AFF3: variants seen among roughly 807,000 people sequenced by gnomAD.
The protein encoded by AFF3 is AF4/FMR2 family member 3.
AFF3 carries 32 observed loss-of-function variants against 129.7 expected under a neutral mutation model. The observed-to-expected ratio is 0.25, with a 90% CI of 0.19 to 0.33. The LOEUF (loss-of-function observed/expected upper bound fraction) is 0.33, where lower values mean the gene tolerates loss of function less well. AFF3 is among the 10% of genes least tolerant of loss of function. AFF3 has a pLI of 1.00. For missense variants in AFF3, 1,373 were observed against 1,592.0 expected, an observed-to-expected ratio of 0.86 and a Z score of 2.34; for synonymous variants, 644 against 635.4, an observed-to-expected ratio of 1.01 and a Z score of -0.20.
intron 7 of AFF3, among the ~76,000 whole-genome samples, chr2:99,875,497 G>A (rs1692219484): frequency 6.6e-6 from 1 of 152,058 alleles, no homozygotes; most frequent in South Asian, 2.1e-4. Context: ...CTCCATCTGG[G>A]TAGAGACCTT....
chr2:99,807,804 C>G (rs564936609), intron 8 of AFF3, among the ~76,000 whole-genome samples: 5 of 152,186 alleles, frequency 3.3e-5, no homozygotes, highest in African/African-American at 1.2e-4. Context: ...ACAAGCCAAT[C>G]ACATCCTACT....
At chr2:99,958,107 C>G (rs551332935) in intron 7 of AFF3, among the ~76,000 whole-genome samples, 2 of 152,056 alleles carry the variant, frequency 1.3e-5, no homozygotes, top group African/African-American at 4.8e-5. Flanking sequence ...CAAACAAGAC[C>G]GAACAGACAG....
chr2:100,103,659 AACG>A (rs1690937999), intron 4 of AFF3, among the ~76,000 whole-genome samples: 1 of 151,962 alleles, frequency 6.6e-6, no homozygotes, highest in African/African-American at 2.4e-5. Flanking sequence ...TCCCCCGAGA[AACG>A]GAACCTGGAG....
At chr2:99,551,914 A>C (rs1253084024) in intron 24 of AFF3, among the ~76,000 whole-genome samples, 1 of 152,164 alleles carries the variant, frequency 6.6e-6, no homozygotes, top group African/African-American at 2.4e-5. Context: ...CTGAACGTGA[A>C]CGTGGCTCTG....
chr2:99,740,123 C>T (rs1680594499), intron 10 of AFF3, among the ~76,000 whole-genome samples: 1 of 151,688 alleles, frequency 6.6e-6, no homozygotes, highest in African/African-American at 2.4e-5. Context: ...TCATCTATGT[C>T]CCTACAAAGG....
chr2:100,126,668 T>G (rs1396623665), intron 2 of AFF3, among the ~76,000 whole-genome samples: 1 of 152,232 alleles, frequency 6.6e-6, no homozygotes, highest in East Asian at 1.9e-4. Flanking sequence ...ATTATTTTTC[T>G]TTCAATAATA....
chr2:99,737,981 T>G (rs1340453498), intron 10 of AFF3, among the ~76,000 whole-genome samples: 1 of 3,676 alleles, frequency 2.7e-4, no homozygotes, highest in Non-Finnish European at 4.0e-4. Context: ...ATTCCTAGAA[T>G]TCTGTTTAAC....
At chr2:99,607,568 A>G (rs1377964550) in intron 13 of AFF3, among the ~76,000 whole-genome samples, 1 of 152,142 alleles carries the variant, frequency 6.6e-6, no homozygotes, top group Non-Finnish European at 1.5e-5. Flanking sequence ...AAATGACAAA[A>G]TCTTGGATCT....
Position 99,547,218 on chromosome 2 carries a change from G to A in AFF3, c.*4256C>T. ...CGTGTAAAAATATTCACAGAAATTG[G>A]TGGATGTCTTTTACGTACAACTCAA... On this transcript the variant is annotated 3_prime_UTR_variant, in exon 25 of 25. Coordinates refer to ENST00000672756, the MANE Select transcript of AFF3 (RefSeq NM_001386135.1). 2 of 215,664 alleles carry A rather than the reference G, an allele frequency of 9.3e-6. No individual in the cohort carries two copies. The highest frequency in any genetic ancestry group is 6.9e-5 in the East Asian group (1 of 14,442). The allele number at this position is 215,664 out of a possible 1,614,324, so 13.4% of individuals were successfully genotyped here.
intron 11 of AFF3, among the ~76,000 whole-genome samples, chr2:99,683,625 G>A (rs1674741070): frequency 6.6e-6 from 1 of 151,930 alleles, no homozygotes; most frequent in Admixed American, 6.6e-5. Flanking sequence ...TTTTTGTAGG[G>A]ACGAGAGGTT....
chr2:99,665,911 G>C (rs1277639106), intron 12 of AFF3, among the ~76,000 whole-genome samples: 2 of 152,192 alleles, frequency 1.3e-5, no homozygotes, highest in Non-Finnish European at 2.9e-5. Flanking sequence ...AGTAAGACAG[G>C]GGACTGAAAA....
At chr2:99,588,899 T>C (rs1257349946) in intron 15 of AFF3, among the ~76,000 whole-genome samples, 1 of 152,244 alleles carries the variant, frequency 6.6e-6, no homozygotes. Context: ...CTCTTGTGTC[T>C]GTGTTTAATG....
Position 100,078,193 on chromosome 2 carries a change from G to T in AFF3, c.53+26209C>A, listed in dbSNP as rs750794330. On this transcript the variant is annotated intron_variant, in intron 4 of 24. Transcript: ENST00000672756. ...TTCATATGACAACATCCGTTCACAG[G>T]CTCAGCCCAGGTACCACATTATCAA... 2.0e-5 allele frequency among the ~76,000 whole-genome samples: 3 copies of T among 152,178 alleles called. No homozygotes were observed. In the South Asian group the frequency reaches 6.2e-4, roughly 32 times the overall value.
rs527576750 is a variant in AFF3 at position 100,063,920 on chromosome 2, T to C, written c.53+40482A>G. On this transcript the variant is annotated intron_variant, in intron 4 of 24. Transcript: ENST00000672756. The stretch of plus-strand genomic sequence containing the variant: ...TCCTGACCAACATGGAGAAACCCCA[T>C]ATCTACTAAAAATACAAACTTAGCC... Among the ~76,000 whole-genome samples, 10 of 151,854 alleles carry C rather than the reference T, an allele frequency of 6.6e-5. No homozygotes were observed. The South Asian group carries it at 2.1e-3, about 32-fold the overall frequency.
rs1264919176 is a variant in AFF3 at position 100,107,263 on chromosome 2, TAGTG to T, written c.-144-1684_-144-1681del. Reference sequence around the variant, plus strand: ...TTTTACAAGTAAAATGTAGAACAGTTAGTGAGAGCCTTTATGGGAGATCTTTATT... The same window carrying T: ...TTTTACAAGTAAAATGTAGAACAGTTAGAGCCTTTATGGGAGATCTTTATT... On this transcript the variant is annotated intron_variant, in intron 2 of 24. Transcript: ENST00000672756. 11 of 985,248 alleles carry T rather than the reference TAGTG, an allele frequency of 1.1e-5. No individual in the cohort carries two copies. In the African/African-American group the frequency reaches 1.2e-4, roughly 11 times the overall value. The allele number at this position is 985,248 out of a possible 1,614,324, so 61.0% of individuals were successfully genotyped here.
At chr2:99,990,793 A>T (rs1185617159) in intron 7 of AFF3, among the ~76,000 whole-genome samples, 1 of 152,220 alleles carries the variant, frequency 6.6e-6, no homozygotes, top group East Asian at 1.9e-4. Flanking sequence ...CAAGGTGTGG[A>T]TATGGTATGG....
rs190535979 is a variant in AFF3 at position 100,120,451 on chromosome 2, G to A, written c.-145+8773C>T. Among the ~76,000 whole-genome samples, 366 of 147,470 alleles carry A rather than the reference G, an allele frequency of 2.5e-3. 6 individuals are homozygous for A. The highest frequency in any genetic ancestry group is 9.1e-3 in the African/African-American group (345 of 38,102). The stretch of plus-strand genomic sequence containing the variant: ...TAGGAAAGGTTTTCTTTTTTATTTT[G>A]CTTCTGCACCCCCAACCCCCACCCT... On this transcript the variant is annotated intron_variant, in intron 2 of 24. Transcript: ENST00000672756.
rs558112016 is a variant in AFF3, at chr2:99,959,308, A to G, written c.873+47324T>C. Among the ~76,000 whole-genome samples the G allele has an allele frequency of 8.8e-4, 131 of 148,410 alleles. 1 individual carries two copies. Among genetic ancestry groups the G allele is most frequent in the Non-Finnish European group, 1.5e-3 (104 of 67,508 alleles). ...TGAGCACCACCATCCATGCCCAGCT[A>G]ATTTTCGTATTTTTTGTAGCAAGAG... is the stretch of plus-strand genomic sequence containing the variant. On this transcript the variant is annotated intron_variant, in intron 7 of 24. Transcript: ENST00000672756.
chr2:99,656,743 C>T (rs185332234), intron 12 of AFF3, among the ~76,000 whole-genome samples: 1 of 152,214 alleles, frequency 6.6e-6, no homozygotes, highest in Admixed American at 6.5e-5. Flanking sequence ...TATTTTTCAA[C>T]CCGTTTAGTA....
Sources: allele counts gnomAD v4.1 joint callset (sites outside exome capture counted in the v4.1 genomes callset), GRCh38; gene constraint gnomAD v4.1.1; transcripts MANE v1.5; gene names NCBI Gene and HGNC (gene_info 2026-07-23, HGNC 2026-07-21).